ROBO1: variants seen among roughly 807,000 people sequenced by gnomAD.
ROBO1 encodes roundabout guidance receptor 1.
ROBO1 carries 149 observed loss-of-function variants against 195.9 expected under a neutral mutation model. The ratio of observed to expected loss-of-function variants is 0.76; its 90% CI spans 0.67 to 0.87. ROBO1 has a LOEUF of 0.87. Ranked by LOEUF, ROBO1 falls within the 40% of genes least tolerant of loss-of-function variation. The probability of loss-of-function intolerance (pLI) is 0.00; values close to 1 mark genes in which losing one functional copy is unlikely to be tolerated. For synonymous variants in ROBO1, 816 were observed against 733.2 expected (o/e 1.11, Z -1.82); for missense variants, 1,933 against 2,068.3 (o/e 0.93, Z 1.27).
At chr3:79,307,130 C>T (rs2033259058) in intron 2 of ROBO1, among the ~76,000 whole-genome samples, 1 of 152,194 alleles carries the variant, frequency 6.6e-6, no homozygotes, top group Middle Eastern at 3.4e-3. Context: ...CATTCCTCAG[C>T]CTCCTCAAGA....
At chr3:78,673,560 TTTTATATATATATATATATATATATA>T (rs1238424455) in intron 10 of ROBO1, among the ~76,000 whole-genome samples, 3 of 74,604 alleles carry the variant, frequency 4.0e-5, no homozygotes, top group African/African-American at 1.1e-4. Context: ...GTTACATATA[TTTTATATATATATATATATATATATA>T]TATATATATA....
chr3:79,276,236 G>A (rs544206306), intron 2 of ROBO1, among the ~76,000 whole-genome samples: 3 of 151,890 alleles, frequency 2.0e-5, no homozygotes, highest in South Asian at 2.1e-4. Flanking sequence ...TACAGAGGTA[G>A]AGTAACTAAA....
chr3:79,570,116 A>G (rs1943230920), intron 2 of ROBO1, among the ~76,000 whole-genome samples: 1 of 152,024 alleles, frequency 6.6e-6, no homozygotes, highest in South Asian at 2.1e-4. Context: ...AAACAAAAAA[A>G]CAATAAAAGC....
At chr3:78,759,931 T>C (rs1490397630) in intron 4 of ROBO1, among the ~76,000 whole-genome samples, 1 of 152,184 alleles carries the variant, frequency 6.6e-6, no homozygotes, top group East Asian at 1.9e-4. Context: ...ATGATATCTA[T>C]GGAGAGTGAG....
intron 3 of ROBO1, among the ~76,000 whole-genome samples, chr3:78,957,219 C>T (rs1363942049): frequency 2.0e-5 from 3 of 150,916 alleles, no homozygotes; most frequent in Non-Finnish European, 2.9e-5. Flanking sequence ...AACTCTTTTG[C>T]ATTCATTTAT....
At chr3:78,783,908 C>G (rs1304595301) in intron 4 of ROBO1, among the ~76,000 whole-genome samples, 1 of 152,032 alleles carries the variant, frequency 6.6e-6, no homozygotes, top group Non-Finnish European at 1.5e-5. Flanking sequence ...CATTGCTTCT[C>G]AATGTTTAAA....
At chr3:79,655,642 C>A (rs1227923376) in intron 1 of ROBO1, among the ~76,000 whole-genome samples, 2 of 151,794 alleles carry the variant, frequency 1.3e-5, no homozygotes, top group Non-Finnish European at 2.9e-5. Flanking sequence ...GCTTTCATTG[C>A]CATTAATTAA....
chr3:78,641,107 CGTTTGTTTGTTT>C lies in ROBO1; in HGVS notation c.2883-1221_2883-1210del, dbSNP rs139704297. ...GCTTATAATGTGTGAGGCATTGTTC[CGTTTGTTTGTTT>C]GTTTGTTTGTTTGTTTTTAAACAGG... is the stretch of plus-strand genomic sequence containing the variant. On this transcript the variant is annotated intron_variant, in intron 21 of 30. Transcript: ENST00000464233. Among the ~76,000 whole-genome samples the C allele has an allele frequency of 5.3e-5, 8 of 151,748 alleles. No homozygotes were observed. The South Asian group carries it at 1.7e-3, about 32-fold the overall frequency.
intron 4 of ROBO1, among the ~76,000 whole-genome samples, chr3:78,930,018 G>A (rs562292724): frequency 1.1e-3 from 161 of 152,206 alleles, no homozygotes; most frequent in Admixed American, 1.8e-3. Context: ...ATCCCCAAAA[G>A]AGATACTTAA....
intron 2 of ROBO1, among the ~76,000 whole-genome samples, chr3:79,279,843 G>A (rs924327074): frequency 3.9e-5 from 6 of 151,986 alleles, no homozygotes; most frequent in Non-Finnish European, 5.9e-5. Context: ...GTTGTTGTAG[G>A]TGTCCAACAA....
At chr3:78,704,803 C>T (rs1269106198) in intron 8 of ROBO1, among the ~76,000 whole-genome samples, 2 of 152,068 alleles carry the variant, frequency 1.3e-5, no homozygotes, top group Non-Finnish European at 2.9e-5. Flanking sequence ...GATTGTGCCA[C>T]TGCACGCTAA....
chr3:79,029,981 G>A (rs1294314626), intron 3 of ROBO1, among the ~76,000 whole-genome samples: 1 of 152,168 alleles, frequency 6.6e-6, no homozygotes, highest in Non-Finnish European at 1.5e-5. Context: ...AGTACATTAA[G>A]CATTGTTTTG....
intron 3 of ROBO1, among the ~76,000 whole-genome samples, chr3:79,068,775 C>T (rs2079042328): frequency 6.6e-6 from 1 of 151,816 alleles, no homozygotes; most frequent in African/African-American, 2.4e-5. Flanking sequence ...TAAAATTTTC[C>T]AATCTAACTT....
intron 4 of ROBO1, among the ~76,000 whole-genome samples, chr3:78,830,874 TTTG>T (rs1157652412): frequency 6.6e-6 from 1 of 151,616 alleles, no homozygotes; most frequent in Non-Finnish European, 1.5e-5. Flanking sequence ...GTAACTCTGT[TTTG>T]TTGTTTTTTG....
intron 2 of ROBO1, among the ~76,000 whole-genome samples, chr3:79,142,943 A>G (rs2080558837): frequency 6.6e-6 from 1 of 152,166 alleles, no homozygotes; most frequent in South Asian, 2.1e-4. Context: ...TCACAAAAGC[A>G]AGTCTCTGTA....
chr3:79,095,804 A>T (rs1469165559), intron 3 of ROBO1, among the ~76,000 whole-genome samples: 1 of 152,042 alleles, frequency 6.6e-6, no homozygotes, highest in Non-Finnish European at 1.5e-5. Context: ...AATCCCCATT[A>T]TTCCAAAAAT....
At chr3:78,769,695 G>A (rs1576127529) in intron 4 of ROBO1, among the ~76,000 whole-genome samples, 3 of 143,744 alleles carry the variant, frequency 2.1e-5, no homozygotes, top group Admixed American at 1.4e-4. Flanking sequence ...CTTTAAAGAG[G>A]TTCTGTTTTT....
chr3:79,356,021 T>C (rs1220752173), intron 2 of ROBO1, among the ~76,000 whole-genome samples: 1 of 152,240 alleles, frequency 6.6e-6, no homozygotes, highest in African/African-American at 2.4e-5. Context: ...AAAATGTAGC[T>C]TTTATTCCAT....
At chr3:79,681,863 G>A (rs879580801) in intron 1 of ROBO1, among the ~76,000 whole-genome samples, 6 of 151,936 alleles carry the variant, frequency 3.9e-5, no homozygotes, top group Non-Finnish European at 7.4e-5. Context: ...GAAACAGTAC[G>A]TAATATTAGA....
Sources: gnomAD v4.1 joint callset for allele counts (sites outside exome capture counted in the v4.1 genomes callset) on GRCh38, gnomAD v4.1.1 for gene constraint, MANE v1.5 for transcripts, NCBI Gene and HGNC (gene_info 2026-07-23, HGNC 2026-07-21) for gene names.